SLC7A1: variants seen among roughly 807,000 people sequenced by gnomAD.
The protein encoded by SLC7A1 is solute carrier family 7 member 1.
SLC7A1 carries 10 observed loss-of-function variants against 53.9 expected under a neutral mutation model. The observed-to-expected ratio is 0.19, with a 90% CI of 0.11 to 0.31. The LOEUF is 0.31. Ranked by LOEUF, SLC7A1 falls within the 10% of genes least tolerant of loss-of-function variation. The probability of loss-of-function intolerance (pLI) is 1.00; values close to 1 mark genes in which losing one functional copy is unlikely to be tolerated. For synonymous variants in SLC7A1, 342 were observed against 338.7 expected, an observed-to-expected ratio of 1.01 and a Z score of -0.11; for missense variants, 525 against 827.2, an observed-to-expected ratio of 0.63 and a Z score of 4.48.
At chr13:29,531,790 C>T (rs894762957) in intron 4 of SLC7A1, among the ~76,000 whole-genome samples, 5 of 151,998 alleles carry the variant, frequency 3.3e-5, no homozygotes, top group Admixed American at 6.6e-5. Flanking sequence ...GCCAAGATCG[C>T]GCAACTGCAC....
At position 29,587,779 on chromosome 13, in the gene SLC7A1, A is replaced by T. The variant is rs537762721; in HGVS notation, c.-115+7637T>A. 7.9e-5 allele frequency among the ~76,000 whole-genome samples: 12 copies of T among 152,338 alleles called. No homozygotes were observed. The East Asian group carries it at 2.3e-3, about 29-fold the overall frequency. On this transcript the variant is annotated intron_variant, in intron 1 of 12. Transcript: ENST00000380752. ...CTGCCTGCTCGGTGGGCACCTGCCC[A>T]AGGGGTGGGCAGGAGCATGAAAGAC...
At chr13:29,537,946 C>T (rs1037902064) in intron 2 of SLC7A1, among the ~76,000 whole-genome samples, 1 of 152,194 alleles carries the variant, frequency 6.6e-6, no homozygotes, top group Admixed American at 6.5e-5. Context: ...GCCGGGCGGG[C>T]GCAGTGCAGC....
intron 7 of SLC7A1, among the ~76,000 whole-genome samples, chr13:29,522,708 A>T (rs532247967): frequency 4.5e-4 from 69 of 152,378 alleles, no homozygotes; most frequent in African/African-American, 1.5e-3. Context: ...CACTAGCATG[A>T]GACCCAGTAC....
chr13:29,524,211 G>A lies in SLC7A1; in HGVS notation c.747C>T (p.Pro249=), dbSNP rs776581637. 9.9e-6 allele frequency: 16 copies of A among 1,614,040 alleles called. No homozygotes were observed. The Middle Eastern group carries it at 8.2e-4, about 83-fold the overall frequency. Residue 249 remains proline, a synonymous_variant, in exon 6 of 13, where the codon CCC becomes CCT. Coordinates refer to ENST00000380752, the MANE Select transcript of SLC7A1 (RefSeq NM_003045.5). The stretch of plus-strand genomic sequence containing the variant: ...CCGACAGGACACCAGAGAACCCGAA[G>A]GGCATGAATCCACCAACACCGGGCT... The part of the protein sequence containing the change: ...EGKPGVGGFM[P]FGFSGVLSGA...
chr13:29,554,983 C>T (rs895396932), intron 1 of SLC7A1, among the ~76,000 whole-genome samples: 5 of 152,162 alleles, frequency 3.3e-5, no homozygotes, highest in South Asian at 2.1e-4. Context: ...CAAATATATG[C>T]TTTCCTCATG....
At chr13:29,591,827 G>A (rs1018856602) in intron 1 of SLC7A1, among the ~76,000 whole-genome samples, 77 of 152,156 alleles carry the variant, frequency 5.1e-4, no homozygotes, top group African/African-American at 1.8e-3. Context: ...TTGATTTTTG[G>A]TTGCCACGGT....
chr13:29,533,407 TG>T (rs1869264432), intron 3 of SLC7A1, among the ~76,000 whole-genome samples: 1 of 152,236 alleles, frequency 6.6e-6, no homozygotes, highest in African/African-American at 2.4e-5. Flanking sequence ...GCTGGCAGTC[TG>T]GAGGAATGCT....
chr13:29,523,751 G>A (rs1485748323), intron 6 of SLC7A1, among the ~76,000 whole-genome samples: 1 of 152,230 alleles, frequency 6.6e-6, no homozygotes, highest in African/African-American at 2.4e-5. Context: ...GAAGAGACTT[G>A]TTTCCTTTGG....
chr13:29,577,529 AAC>A (rs1346295397), intron 1 of SLC7A1, among the ~76,000 whole-genome samples: 2 of 152,188 alleles, frequency 1.3e-5, no homozygotes, highest in Non-Finnish European at 2.9e-5. Context: ...ACAGGTGGAA[AAC>A]ACACACTGGA....
chr13:29,512,709 T>C lies in SLC7A1; in HGVS notation c.*1771A>G, dbSNP rs1023988905. 1 of 152,246 alleles carries C rather than the reference T, an allele frequency of 6.6e-6. No homozygotes were observed. 9.4% of individuals were successfully genotyped at this position (152,246 alleles called of 1,614,324 possible). ...CTCTTTGGAAATCGGAGCTCTGGGC[T>C]CTTATGATGCTCCCTCTGGAACATT... On this transcript the variant is annotated 3_prime_UTR_variant, in exon 13 of 13. Coordinates refer to ENST00000380752, the MANE Select transcript of SLC7A1 (RefSeq NM_003045.5).
At chr13:29,588,135 A>G (rs765857520) in intron 1 of SLC7A1, among the ~76,000 whole-genome samples, 16 of 152,214 alleles carry the variant, frequency 1.1e-4, no homozygotes, top group Admixed American at 2.6e-4. Context: ...CCACACTGCA[A>G]AACTCCTTCC....
intron 1 of SLC7A1, among the ~76,000 whole-genome samples, chr13:29,557,745 T>A: frequency 2.3e-5 from 2 of 85,140 alleles, no homozygotes; most frequent in Admixed American, 1.4e-4. Flanking sequence ...TGAGGAGGAG[T>A]GAATGTGAGG....
intron 1 of SLC7A1, among the ~76,000 whole-genome samples, chr13:29,576,646 G>A (rs1361158879): frequency 6.6e-6 from 1 of 152,146 alleles, no homozygotes; most frequent in Non-Finnish European, 1.5e-5. Flanking sequence ...CTTGTTCCGT[G>A]AGTGCCCTGT....
At position 29,519,440 on chromosome 13, in the gene SLC7A1, T is replaced by A; in HGVS notation, c.1292+7A>T. ...TCTGTCATGAGACCCCCAAAAGCCATACATACCGTAAGACCAACACACAGG... is the reference window on the plus strand; with the variant it reads ...TCTGTCATGAGACCCCCAAAAGCCAAACATACCGTAAGACCAACACACAGG... On this transcript the variant is annotated splice_region_variant and intron_variant, in intron 9 of 12. Transcript: ENST00000380752. The A allele has an allele frequency of 6.3e-7, 1 of 1,575,076 alleles. No homozygotes were observed. The highest frequency in any genetic ancestry group is 8.7e-7 in the Non-Finnish European group (1 of 1,144,924).
At position 29,510,025 on chromosome 13, in the gene SLC7A1, TAAC is replaced by T. The variant is rs1883346611; in HGVS notation, c.*4452_*4454del. 6.6e-6 allele frequency: 1 copy of T among 152,638 alleles called. No individual in the cohort carries two copies. Among genetic ancestry groups the T allele is most frequent in the Non-Finnish European group, 1.5e-5 (1 of 68,036 alleles). 9.5% of individuals were successfully genotyped at this position (152,638 alleles called of 1,614,324 possible). On this transcript the variant is annotated 3_prime_UTR_variant, in exon 13 of 13. Transcript: ENST00000380752. ...AAAATCATTTGCCTTGTTAATAAATTAACAGTCTGAGTGCATCTTTCCATCCTG... is the reference window on the plus strand; with the variant it reads ...AAAATCATTTGCCTTGTTAATAAATTAGTCTGAGTGCATCTTTCCATCCTG...
chr13:29,573,342 C>T (rs899311970), intron 1 of SLC7A1, among the ~76,000 whole-genome samples: 6 of 152,088 alleles, frequency 3.9e-5, no homozygotes, highest in African/African-American at 1.2e-4. Flanking sequence ...CCCAGAGGCA[C>T]GTGTTGCCGG....
intron 1 of SLC7A1, among the ~76,000 whole-genome samples, chr13:29,568,739 G>A (rs1871072391): frequency 6.6e-6 from 1 of 152,212 alleles, no homozygotes; most frequent in Non-Finnish European, 1.5e-5. Context: ...AGAAGAAAAA[G>A]GAGATGATGA....
chr13:29,570,439 G>A (rs747745490), intron 1 of SLC7A1, among the ~76,000 whole-genome samples: 3 of 152,182 alleles, frequency 2.0e-5, no homozygotes, highest in South Asian at 2.1e-4. Context: ...CATCTGAAGC[G>A]GGGATAATGA....
chr13:29,589,990 C>T (rs766925535), intron 1 of SLC7A1, among the ~76,000 whole-genome samples: 12 of 152,138 alleles, frequency 7.9e-5, no homozygotes, highest in Non-Finnish European at 1.6e-4. Flanking sequence ...ATTGATCTTA[C>T]CTAGCCCCAG....
Sources: gnomAD v4.1 joint callset for allele counts (sites outside exome capture counted in the v4.1 genomes callset) on GRCh38, gnomAD v4.1.1 for gene constraint, MANE v1.5 for transcripts, NCBI Gene and HGNC (gene_info 2026-07-23, HGNC 2026-07-21) for gene names.